The following FNDC3A variants were observed in gnomAD, a reference collection of about 807,000 sequenced individuals.
The protein encoded by FNDC3A is fibronectin type III domain containing 3A.
FNDC3A carries 32 observed loss-of-function variants against 148.9 expected under a neutral mutation model. That is an observed-to-expected ratio of 0.21 (90% CI 0.16 to 0.29). The LOEUF is 0.29. Among genes scored for constraint, FNDC3A ranks in the 10% least tolerant of loss-of-function variants. The pLI is 1.00. For missense variants in FNDC3A, 1,191 were observed against 1,452.8 expected (o/e 0.82, Z 2.93); for synonymous variants, 472 against 473.6 (o/e 1.00, Z 0.04).
chr13:48,985,555 T>C (rs956858862), intron 1 of FNDC3A, among the ~76,000 whole-genome samples: 1 of 152,144 alleles, frequency 6.6e-6, no homozygotes, highest in Admixed American at 6.5e-5. Flanking sequence ...TAGATACTTA[T>C]GAAAAAACAT....
At chr13:49,054,043 A>G (rs1876049657) in intron 2 of FNDC3A, among the ~76,000 whole-genome samples, 1 of 152,118 alleles carries the variant, frequency 6.6e-6, no homozygotes, top group Admixed American at 6.5e-5. Context: ...TAGGATCTCT[A>G]TTTTAATGTT....
chr13:49,076,714 G>A (rs371209835), intron 3 of FNDC3A, among the ~76,000 whole-genome samples: 51 of 152,194 alleles, frequency 3.4e-4, no homozygotes, highest in African/African-American at 1.0e-3. Flanking sequence ...ATTGTTAATA[G>A]AAAGTGATCC....
At chr13:49,007,500 A>G (rs1300927210) in intron 2 of FNDC3A, among the ~76,000 whole-genome samples, 2 of 152,162 alleles carry the variant, frequency 1.3e-5, no homozygotes, top group Non-Finnish European at 2.9e-5. Flanking sequence ...GCCTCAGGCC[A>G]GTCACTAGTT....
At chr13:49,051,503 A>G (rs1409366645) in intron 2 of FNDC3A, among the ~76,000 whole-genome samples, 1 of 152,174 alleles carries the variant, frequency 6.6e-6, no homozygotes, top group Non-Finnish European at 1.5e-5. Context: ...TAGGACCTCA[A>G]CCCCTTGTAG....
chr13:49,197,906 C>A, intron 21 of FNDC3A, 32 bp downstream of exon 21: 1 of 1,590,420 alleles, frequency 6.3e-7, no homozygotes, highest in Non-Finnish European at 8.5e-7. Context: ...TCACTTAACT[C>A]TATCCAGAGT....
intron 2 of FNDC3A, among the ~76,000 whole-genome samples, chr13:49,064,289 C>T (rs1244430113): frequency 6.6e-6 from 1 of 151,666 alleles, no homozygotes; most frequent in African/African-American, 2.4e-5. Context: ...TGCAGTGAGC[C>T]AAGATCGTGC....
rs1426844571 is a variant in FNDC3A at position 49,114,570 on chromosome 13, G to C, written c.176-85G>C. 4 of 845,922 alleles carry C rather than the reference G, an allele frequency of 4.7e-6. No individual in the cohort carries two copies. The South Asian group carries it at 5.7e-5, about 12-fold the overall frequency. The allele number at this position is 845,922 out of a possible 1,614,324, so 52.4% of individuals were successfully genotyped here. ...CTGTTGGCTTGAGTGTTTAGATGAA[G>C]TATTCAAAATGTAATTCAAATTGTT... On this transcript the variant is annotated intron_variant, in intron 3 of 25. Coordinates refer to ENST00000492622, the MANE Select transcript of FNDC3A (RefSeq NM_001079673.2).
chr13:49,025,890 T>G (rs924690641), intron 2 of FNDC3A, among the ~76,000 whole-genome samples: 3 of 152,158 alleles, frequency 2.0e-5, no homozygotes, highest in African/African-American at 4.8e-5. Context: ...GCTGAAAAAA[T>G]GTATCTTCCA....
chr13:49,115,507 C>T (rs1159709015), intron 4 of FNDC3A, among the ~76,000 whole-genome samples: 1 of 152,170 alleles, frequency 6.6e-6, no homozygotes, highest in Non-Finnish European at 1.5e-5. Context: ...GGTGGATTTT[C>T]TGCACACTCT....
chr13:49,172,661 C>T (rs1378368497), intron 11 of FNDC3A, among the ~76,000 whole-genome samples: 1 of 152,120 alleles, frequency 6.6e-6, no homozygotes. Context: ...ATCTGTCTTC[C>T]TTTTTTAGGA....
At position 49,114,701 on chromosome 13, in the gene FNDC3A, T is replaced by C. The variant is rs1418234443; in HGVS notation, c.222T>C (p.Pro74=). The C allele has an allele frequency of 6.2e-7, 1 of 1,612,940 alleles. No individual in the cohort carries two copies. The highest frequency in any genetic ancestry group is 2.2e-5 in the East Asian group (1 of 44,860). Reference sequence around the variant, plus strand: ...TGTCCCCAAATGGTTCTGTGCCTCCTATCTATGTGCCTCCTGGATATGCCC... The same window carrying C: ...TGTCCCCAAATGGTTCTGTGCCTCCCATCTATGTGCCTCCTGGATATGCCC... The part of the protein sequence containing the change: ...PMMSPNGSVP[P]IYVPPGYAPQ... Residue 74 remains proline, a synonymous_variant, in exon 4 of 26, where the codon CCT becomes CCC. Coordinates refer to ENST00000492622, the MANE Select transcript of FNDC3A (RefSeq NM_001079673.2).
chr13:48,994,812 T>C (rs1350043227), intron 1 of FNDC3A, among the ~76,000 whole-genome samples: 1 of 152,016 alleles, frequency 6.6e-6, no homozygotes, highest in Non-Finnish European at 1.5e-5. Flanking sequence ...AATGAAGTTT[T>C]GGAATGTCTT....
At chr13:48,995,163 C>A (rs1952000641) in intron 1 of FNDC3A, among the ~76,000 whole-genome samples, 1 of 152,172 alleles carries the variant, frequency 6.6e-6, no homozygotes, top group Admixed American at 6.5e-5. Context: ...GGTCCTCCTG[C>A]TTCAGCTTCT....
intron 1 of FNDC3A, among the ~76,000 whole-genome samples, chr13:49,000,637 G>A (rs564672028): frequency 1.3e-5 from 2 of 152,286 alleles, no homozygotes; most frequent in Admixed American, 1.3e-4. Context: ...GATAGGGATT[G>A]CATTGAATCT....
intron 2 of FNDC3A, among the ~76,000 whole-genome samples, chr13:49,073,655 T>A (rs1877856247): frequency 1.3e-5 from 2 of 148,652 alleles, no homozygotes; most frequent in African/African-American, 2.5e-5. Flanking sequence ...ATATCTCATT[T>A]CATATGTATA....
At chr13:49,087,893 T>C (rs751062579) in intron 3 of FNDC3A, among the ~76,000 whole-genome samples, 1 of 152,166 alleles carries the variant, frequency 6.6e-6, no homozygotes, top group Non-Finnish European at 1.5e-5. Context: ...ATAGTTGTTA[T>C]ATTCTAGGTA....
chr13:49,112,972 C>A (rs1441671828), intron 3 of FNDC3A, among the ~76,000 whole-genome samples: 1 of 151,946 alleles, frequency 6.6e-6, no homozygotes, highest in Non-Finnish European at 1.5e-5. Flanking sequence ...ATTTAGTGTT[C>A]TACACAAACA....
chr13:48,979,754 A>G (rs1951665408), intron 1 of FNDC3A, among the ~76,000 whole-genome samples: 2 of 151,974 alleles, frequency 1.3e-5, no homozygotes, highest in South Asian at 4.2e-4. Context: ...TTTTGTGTAG[A>G]GTGCTAGATA....
chr13:48,997,949 A>G (rs535986296), intron 1 of FNDC3A, among the ~76,000 whole-genome samples: 3 of 152,082 alleles, frequency 2.0e-5, no homozygotes, highest in South Asian at 4.2e-4. Context: ...GCTAGGGGCA[A>G]TTCCAGTGAG....
Sources: gnomAD v4.1 joint callset for allele counts (sites outside exome capture counted in the v4.1 genomes callset) on GRCh38, gnomAD v4.1.1 for gene constraint, MANE v1.5 for transcripts, NCBI Gene and HGNC (gene_info 2026-07-23, HGNC 2026-07-21) for gene names.